ABL2: variants seen among roughly 807,000 people sequenced by gnomAD.
The protein encoded by ABL2 is tyrosine-protein kinase ABL2.
A neutral mutation model predicts 107.7 loss-of-function variants in ABL2; 49 were observed. That is an observed-to-expected ratio of 0.45 (90% CI 0.36 to 0.58). The LOEUF (loss-of-function observed/expected upper bound fraction) is 0.58. Ranked by LOEUF, ABL2 falls within the 20% of genes least tolerant of loss-of-function variation. The pLI is 0.00. For missense variants in ABL2, 1,245 were observed against 1,457.0 expected, an observed-to-expected ratio of 0.85 and a Z score of 2.37; for synonymous variants, 549 against 548.6, an observed-to-expected ratio of 1.00 and a Z score of -0.01.
chr1:179,140,579 G>C (rs1244335732), intron 1 of ABL2, among the ~76,000 whole-genome samples: 1 of 152,202 alleles, frequency 6.6e-6, no homozygotes, highest in East Asian at 1.9e-4. Flanking sequence ...AGTGACTCCA[G>C]AACAGTGTCT....
At chr1:179,118,867 A>G in intron 6 of ABL2, 103 bp from the exon 7 acceptor site, 1 of 1,277,742 alleles carries the variant, frequency 7.8e-7, no homozygotes, top group Admixed American at 2.1e-5. Flanking sequence ...CTAGTTCGGC[A>G]ATAATCTTTT....
intron 1 of ABL2, chr1:179,184,397 TA>T (rs1380438260): frequency 1.1e-6 from 1 of 934,148 alleles, no homozygotes; most frequent in Admixed American, 2.4e-5. Flanking sequence ...AAACACAGAA[TA>T]AAGCCAGCAG....
At position 179,101,520 on chromosome 1, in the gene ABL2, T is replaced by C. The variant is rs868132192; in HGVS notation, c.*6198A>G. 31 of 174,570 alleles carry C rather than the reference T, an allele frequency of 1.8e-4. No homozygotes were observed. Among genetic ancestry groups the C allele is most frequent in the South Asian group, 2.0e-4 (1 of 4,994 alleles). The allele number at this position is 174,570 out of a possible 1,614,324, so 10.8% of individuals were successfully genotyped here. On this transcript the variant is annotated 3_prime_UTR_variant, in exon 12 of 12. Transcript: ENST00000502732. ...TCGGGAGTAGCTGGGATTACAGGCA[T>C]GTACTACGCCCGGCTAATTTTTATA...
At chr1:179,192,338 A>G (rs562694662) in intron 1 of ABL2, among the ~76,000 whole-genome samples, 2 of 152,338 alleles carry the variant, frequency 1.3e-5, no homozygotes, top group Admixed American at 6.5e-5. Flanking sequence ...AAAAAATATG[A>G]TAAGAGAATG....
In ABL2 at chr1:179,126,977, G is replaced by T. The variant is rs371733726; in HGVS notation, c.392-305C>A. The stretch of plus-strand genomic sequence containing the variant: ...AAGAAATTCTATGTATGCCAGACAG[G>T]TTACTAAAATGGCTGGAAAAGGACA... On this transcript the variant is annotated intron_variant, in intron 3 of 11. Transcript: ENST00000502732. The surrounding 1 kb of genome is among the most constrained non-coding windows in gnomAD (Gnocchi z 4.4). Among the ~76,000 whole-genome samples, 56 of 152,166 alleles carry T rather than the reference G, an allele frequency of 3.7e-4. 1 individual carries two copies. The South Asian group carries it at 9.1e-3, about 25-fold the overall frequency.
chr1:179,133,709 C>A (rs1656577635), intron 1 of ABL2, among the ~76,000 whole-genome samples: 1 of 152,146 alleles, frequency 6.6e-6, no homozygotes, highest in South Asian at 2.1e-4. Flanking sequence ...TTCCAAGACC[C>A]CCAGTGGATG....
rs2102561063 is a variant in ABL2 at position 179,102,907 on chromosome 1, T to A, written c.*4811A>T. On this transcript the variant is annotated 3_prime_UTR_variant, in exon 12 of 12. Coordinates refer to ENST00000502732, the MANE Select transcript of ABL2 (RefSeq NM_007314.4). ...CTGGTAGGAAATCCTAGAAAAGTAATTCCCAAAGTGCACTGGTTTTATGGC... is the reference window on the plus strand; with the variant it reads ...CTGGTAGGAAATCCTAGAAAAGTAAATCCCAAAGTGCACTGGTTTTATGGC... 4.4e-6 allele frequency: 1 copy of A among 226,598 alleles called. No homozygotes were observed. Among genetic ancestry groups the A allele is most frequent in the Middle Eastern group, 1.3e-3 (1 of 758 alleles). The allele number at this position is 226,598 out of a possible 1,614,324, so 14.0% of individuals were successfully genotyped here.
At chr1:179,147,181 CAAAAAAAAAAA>C (rs58297805) in intron 1 of ABL2, among the ~76,000 whole-genome samples, 10,496 of 50,642 alleles carry the variant, frequency 0.21, 441 homozygotes, top group East Asian at 0.24. Flanking sequence ...CAGAGAAATG[CAAAAAAAAAAA>C]AAAAAAAAAA....
At chr1:179,166,187 A>G (rs1423460534) in intron 1 of ABL2, among the ~76,000 whole-genome samples, 2 of 152,164 alleles carry the variant, frequency 1.3e-5, no homozygotes, top group African/African-American at 4.8e-5. Context: ...GATCTAGGCA[A>G]AGATTTTATG....
chr1:179,120,749 TAGAA>T (rs1370162964), intron 5 of ABL2, among the ~76,000 whole-genome samples: 3 of 152,050 alleles, frequency 2.0e-5, no homozygotes, highest in African/African-American at 7.2e-5. Context: ...AAGTCCAACT[TAGAA>T]AGAAAAATGC....
intron 1 of ABL2, among the ~76,000 whole-genome samples, chr1:179,151,478 C>T (rs1658361235): frequency 6.6e-6 from 1 of 152,088 alleles, no homozygotes; most frequent in South Asian, 2.1e-4. Flanking sequence ...ATTTATACAT[C>T]CTGTTTTTAT....
chr1:179,184,836 T>G (rs555378658), intron 1 of ABL2, among the ~76,000 whole-genome samples: 1 of 152,284 alleles, frequency 6.6e-6, no homozygotes, highest in South Asian at 2.1e-4. Flanking sequence ...ATTCTCAACT[T>G]ATTTGGGAGG....
chr1:179,194,007 A>C (rs1019620659), intron 1 of ABL2, among the ~76,000 whole-genome samples: 2 of 152,278 alleles, frequency 1.3e-5, no homozygotes, highest in Non-Finnish European at 1.5e-5. Flanking sequence ...TTTCTTCCTA[A>C]GTACTGGAGT....
At chr1:179,169,068 T>G (rs998649197) in intron 1 of ABL2, among the ~76,000 whole-genome samples, 1 of 152,132 alleles carries the variant, frequency 6.6e-6, no homozygotes, top group Non-Finnish European at 1.5e-5. Flanking sequence ...GACCCCAGAA[T>G]TAGAATTTTC....
At chr1:179,207,784 G>C (rs1278642072) in intron 1 of ABL2, among the ~76,000 whole-genome samples, 1 of 152,090 alleles carries the variant, frequency 6.6e-6, no homozygotes, top group African/African-American at 2.4e-5. Context: ...AAATTTAACA[G>C]AGGATCTAAA....
rs932436218 is a variant in ABL2 at position 179,100,502 on chromosome 1, A to G, written c.*7216T>C. The G allele has an allele frequency of 4.4e-6, 1 of 228,640 alleles. No individual in the cohort carries two copies. Among genetic ancestry groups the G allele is most frequent in the Non-Finnish European group, 8.7e-6 (1 of 115,326 alleles). 14.2% of individuals were successfully genotyped at this position (228,640 alleles called of 1,614,324 possible). A position where few individuals can be genotyped will look rare whatever the true frequency, so the allele number is the denominator to read the frequency against. ...GTGAAAATTTAAGTCCCATTCTCCA[A>G]CTAAAGTTTATGGTGCCTAATTCCG... On this transcript the variant is annotated 3_prime_UTR_variant, in exon 12 of 12. Transcript: ENST00000502732.
At chr1:179,204,403 T>A (rs1358910632) in intron 1 of ABL2, among the ~76,000 whole-genome samples, 1 of 152,082 alleles carries the variant, frequency 6.6e-6, no homozygotes, top group Non-Finnish European at 1.5e-5. Flanking sequence ...GAGTTAAAAG[T>A]GAAAGTTCCC....
intron 1 of ABL2, among the ~76,000 whole-genome samples, chr1:179,194,843 CA>C (rs1661214234): frequency 6.6e-6 from 1 of 152,140 alleles, no homozygotes; most frequent in Non-Finnish European, 1.5e-5. Context: ...CACTATAAAA[CA>C]AAGACCAACA....
At chr1:179,136,381 C>T (rs1047963276) in intron 1 of ABL2, among the ~76,000 whole-genome samples, 2 of 152,060 alleles carry the variant, frequency 1.3e-5, no homozygotes, top group African/African-American at 4.8e-5. Context: ...ATTCTTCTGC[C>T]TTGGGATCCT....
Sources: allele counts gnomAD v4.1 joint callset (sites outside exome capture counted in the v4.1 genomes callset), GRCh38; gene constraint gnomAD v4.1.1; non-coding constraint Gnocchi (gnomAD v3.1); transcripts MANE v1.5; gene names NCBI Gene and HGNC (gene_info 2026-07-23, HGNC 2026-07-21).